PGBD2: variants seen among roughly 807,000 people sequenced by gnomAD.
PGBD2 encodes the protein piggyBac transposable element derived 2, also known as piggyBac transposable element-derived protein 2.
Under a neutral mutation model 8.1 loss-of-function variants are expected in PGBD2, and 6 were observed. The observed-to-expected ratio is 0.74, with a 90% CI of 0.40 to 1.46. PGBD2 has a LOEUF of 1.46. PGBD2 is among the 40% of genes most tolerant of loss of function. PGBD2 has a pLI of 0.02. For synonymous variants in PGBD2, 318 were observed against 272.2 expected, an observed-to-expected ratio of 1.17 and a Z score of -1.66; for missense variants, 802 against 739.0, an observed-to-expected ratio of 1.09 and a Z score of -0.99.
rs773175771 is a variant in PGBD2 at position 248,917,912 on chromosome 1, C to T, written c.1328C>T (p.Thr443Met). 3.2e-5 allele frequency: 51 copies of T among 1,614,084 alleles called. No individual in the cohort carries two copies. The highest frequency in any genetic ancestry group is 6.7e-5 in the East Asian group (3 of 44,892). Reference sequence around the variant, plus strand: ...AGTCGTCACTCTGGAGCAGCTAAAACGCGGACTCAGGTCCACCAGCCATCA... The same window carrying T: ...AGTCGTCACTCTGGAGCAGCTAAAATGCGGACTCAGGTCCACCAGCCATCA... ...LTSRHSGAAK[T>M]RTQVHQPSLV... Residue 443 changes from threonine (T) to methionine (M), a missense_variant, in exon 3 of 3, where the codon ACG (threonine) becomes ATG (methionine). Transcript: ENST00000329291.
At chr1:248,898,106 G>A in the PGBD2 span, among the ~76,000 whole-genome samples, 1 of 152,228 alleles carries the variant, frequency 6.6e-6, no homozygotes, top group African/African-American at 2.4e-5. Context: ...CCCCTTGGGG[G>A]AGGGGCAGCC....
the PGBD2 span, among the ~76,000 whole-genome samples, chr1:248,892,254 C>CCTCT: frequency 8.7e-6 from 1 of 114,900 alleles, no homozygotes; most frequent in Non-Finnish European, 1.6e-5. Flanking sequence ...TCCCTCCCTC[C>CCTCT]CTCCCTCCCT....
the PGBD2 span, among the ~76,000 whole-genome samples, chr1:248,882,190 C>T: frequency 4.6e-5 from 7 of 152,030 alleles, no homozygotes; most frequent in South Asian, 4.1e-4. Context: ...TCTGGTCCCA[C>T]GGAGCCAAAA....
the PGBD2 span, among the ~76,000 whole-genome samples, chr1:248,884,203 G>GA: frequency 6.6e-6 from 1 of 152,014 alleles, no homozygotes; most frequent in African/African-American, 2.4e-5. Context: ...CTGTGTTAAT[G>GA]AAAAAAACCA....
chr1:248,920,772 C>T (rs1308224102), downstream of PGBD2, among the ~76,000 whole-genome samples: 4 of 152,160 alleles, frequency 2.6e-5, no homozygotes, highest in African/African-American at 4.8e-5. Flanking sequence ...AGTGTAAAAG[C>T]GTCCCTATTT....
chr1:248,899,263 A>G, the PGBD2 span, among the ~76,000 whole-genome samples: 1 of 152,216 alleles, frequency 6.6e-6, no homozygotes, highest in South Asian at 2.1e-4. Flanking sequence ...TCTTATAGAT[A>G]TCTACAAAAC....
the PGBD2 span, among the ~76,000 whole-genome samples, chr1:248,897,924 C>T: frequency 0.033 from 4,973 of 152,206 alleles, 101 homozygotes; most frequent in East Asian, 0.06. Flanking sequence ...TGGTTTGGAC[C>T]GGGAGGGATT....
At chr1:248,907,909 G>T (rs1433299437) in intron 1 of PGBD2, among the ~76,000 whole-genome samples, 1 of 152,148 alleles carries the variant, frequency 6.6e-6, no homozygotes, top group Non-Finnish European at 1.5e-5. Context: ...TTTCCCTACA[G>T]TTAGGCACCT....
chr1:248,926,203 C>T, the PGBD2 span, among the ~76,000 whole-genome samples: 2,223 of 152,196 alleles, frequency 0.015, 57 homozygotes, highest in African/African-American at 0.05. Context: ...CAGAGTGTGT[C>T]GGTCATCACT....
the PGBD2 span, among the ~76,000 whole-genome samples, chr1:248,891,929 C>T: frequency 6.6e-6 from 1 of 152,164 alleles, no homozygotes; most frequent in Admixed American, 6.5e-5. Context: ...ACAATGAAAA[C>T]TAAGCTCTTT....
the PGBD2 span, among the ~76,000 whole-genome samples, chr1:248,894,720 T>C: frequency 2.0e-5 from 3 of 148,078 alleles, no homozygotes; most frequent in Non-Finnish European, 4.5e-5. Context: ...CTTGCTTGCT[T>C]GCTTGCTTGC....
At chr1:248,885,732 G>C in the PGBD2 span, among the ~76,000 whole-genome samples, 1 of 152,180 alleles carries the variant, frequency 6.6e-6, no homozygotes, top group Non-Finnish European at 1.5e-5. Context: ...CCATAAGAGA[G>C]GAATCACGGA....
At chr1:248,887,757 A>G in the PGBD2 span, among the ~76,000 whole-genome samples, 1 of 152,130 alleles carries the variant, frequency 6.6e-6, no homozygotes, top group Non-Finnish European at 1.5e-5. Context: ...GATTTTTGCC[A>G]TTACGTTCAA....
At chr1:248,923,768 C>T (rs1662331990), downstream of PGBD2, among the ~76,000 whole-genome samples, 1 of 152,136 alleles carries the variant, frequency 6.6e-6, no homozygotes, top group Admixed American at 6.6e-5. Context: ...TTGCATAGGG[C>T]ACGGATGGAT....
At chr1:248,881,629 A>G in the PGBD2 span, among the ~76,000 whole-genome samples, 1 of 152,220 alleles carries the variant, frequency 6.6e-6, no homozygotes, top group African/African-American at 2.4e-5. Flanking sequence ...TTGGCATTTT[A>G]GTTGAGACTT....
rs189705518 is a variant in PGBD2 at position 248,917,812 on chromosome 1, G to A, written c.1228G>A (p.Val410Met). 3.1e-6 allele frequency: 5 copies of A among 1,614,148 alleles called. No individual in the cohort carries two copies. Among genetic ancestry groups the A allele is most frequent in the Non-Finnish European group, 4.2e-6 (5 of 1,180,040 alleles). Residue 410 changes from valine (V) to methionine (M), a missense_variant, in exon 3 of 3, where the codon GTG becomes ATG. Val to Met is a conservative substitution (Grantham distance 21). Transcript: ENST00000329291. ...AGTCGATGAGAGTGAGGAGATCATC[G>A]TGTGCCGCTGGCACGATAGCAGCGT... ...YKVDESEEII[V>M]CRWHDSSVVN...
At chr1:248,873,852 A>G in the PGBD2 span, among the ~76,000 whole-genome samples, 7 of 152,140 alleles carry the variant, frequency 4.6e-5, no homozygotes, top group African/African-American at 1.7e-4. Context: ...TCTGCTTCCG[A>G]GTGTCAGGAT....
In PGBD2 at chr1:248,918,710, T is replaced by C. The variant is rs1572283126; in HGVS notation, c.*347T>C. ...CAAGAACAGTAAGAAGACTTTACCATTGCATGCCATGGTTTATAATCTAAG... is the reference window on the plus strand; with the variant it reads ...CAAGAACAGTAAGAAGACTTTACCACTGCATGCCATGGTTTATAATCTAAG... On this transcript the variant is annotated 3_prime_UTR_variant, in exon 3 of 3. Coordinates refer to ENST00000329291, the MANE Select transcript of PGBD2 (RefSeq NM_170725.3). The C allele has an allele frequency of 5.9e-6, 1 of 168,074 alleles. No individual in the cohort carries two copies. The highest frequency in any genetic ancestry group is 2.4e-5 in the African/African-American group (1 of 41,604). 10.4% of individuals were successfully genotyped at this position (168,074 alleles called of 1,614,324 possible).
the PGBD2 span, among the ~76,000 whole-genome samples, chr1:248,927,129 C>T: frequency 7.2e-5 from 11 of 152,082 alleles, no homozygotes; most frequent in Admixed American, 2.0e-4. Flanking sequence ...AGGAGTATGT[C>T]GCCCAAAATA....
Sources: gnomAD v4.1 joint callset for allele counts (sites outside exome capture counted in the v4.1 genomes callset) on GRCh38, gnomAD v4.1.1 for gene constraint, MANE v1.5 for transcripts, NCBI Gene and HGNC (gene_info 2026-07-23, HGNC 2026-07-21) for gene names.